The following ZMIZ1 variants were observed in gnomAD, a reference collection of about 807,000 sequenced individuals.
The protein encoded by ZMIZ1 is zinc finger MIZ domain-containing protein 1.
Under a neutral mutation model 113.9 loss-of-function variants are expected in ZMIZ1, and 17 were observed. That is an observed-to-expected ratio of 0.15 (90% CI 0.10 to 0.22). The LOEUF (loss-of-function observed/expected upper bound fraction) is 0.22, where lower values mean the gene tolerates loss of function less well. Among genes scored for constraint, ZMIZ1 ranks in the 10% least tolerant of loss-of-function variants. The pLI is 1.00. For missense variants in ZMIZ1, 1,059 were observed against 1,477.8 expected (o/e 0.72, Z 4.65); for synonymous variants, 607 against 603.1 (o/e 1.01, Z -0.09).
chr10:79,138,921 A>C (rs1230639798), intron 2 of ZMIZ1, among the ~76,000 whole-genome samples: 1 of 152,250 alleles, frequency 6.6e-6, no homozygotes, highest in East Asian at 1.9e-4. Flanking sequence ...TGAACATTAA[A>C]TTAAGTCATC....
chr10:79,083,527 G>A (rs1842723864), intron 1 of ZMIZ1, among the ~76,000 whole-genome samples: 1 of 151,704 alleles, frequency 6.6e-6, no homozygotes, highest in Non-Finnish European at 1.5e-5. Context: ...TCAGTGATTT[G>A]GAAGCCACTG....
chr10:79,302,196 G>A lies in ZMIZ1; in HGVS notation c.2109G>A (p.Glu703=). ...TCAAGAAGCGCCTCCTGCCCGCAGAGCACTGTATCACGAAAAGTGAGTCAG... is the reference window on the plus strand; with the variant it reads ...TCAAGAAGCGCCTCCTGCCCGCAGAACACTGTATCACGAAAAGTGAGTCAG... The part of the protein sequence containing the change: ...GLLKKRLLPA[E]HCITKIKRNF... Residue 703 remains glutamate (E), a synonymous_variant, in exon 18 of 25, where the codon GAG becomes GAA. Transcript: ENST00000334512. 6.2e-7 allele frequency: 1 copy of A among 1,613,668 alleles called. No homozygotes were observed. The highest frequency in any genetic ancestry group is 1.7e-5 in the Admixed American group (1 of 60,034).
chr10:79,117,217 C>A (rs531999052), intron 1 of ZMIZ1, among the ~76,000 whole-genome samples: 1 of 152,358 alleles, frequency 6.6e-6, no homozygotes, highest in African/African-American at 2.4e-5. Context: ...TCACTCACAC[C>A]GAATCCTATT....
chr10:79,070,213 T>C (rs1393921637), intron 1 of ZMIZ1, among the ~76,000 whole-genome samples: 1 of 151,150 alleles, frequency 6.6e-6, no homozygotes, highest in East Asian at 2.0e-4. Context: ...GAAAAAACAG[T>C]GGGGAGCGCG....
intron 4 of ZMIZ1, among the ~76,000 whole-genome samples, chr10:79,188,081 A>C (rs563966468): frequency 5.9e-5 from 9 of 152,222 alleles, no homozygotes; most frequent in Non-Finnish European, 4.4e-5. Flanking sequence ...TAATTCACAT[A>C]AAATACCAAA....
At chr10:79,209,115 A>C (rs1848445194) in intron 6 of ZMIZ1, among the ~76,000 whole-genome samples, 2 of 151,942 alleles carry the variant, frequency 1.3e-5, no homozygotes, top group South Asian at 4.1e-4. Context: ...TGAGGAAAGG[A>C]GCTACCCTCC....
Position 79,311,176 on chromosome 10 carries a change from T to A in ZMIZ1, c.3088T>A (p.Ser1030Thr). Residue 1030 changes from serine (S) to threonine (T), a missense_variant, in exon 24 of 25, where the codon TCG (serine) becomes ACG (threonine). Transcript: ENST00000334512. ...AQGASDMPEP[S>T]LDLLPELTNP... ...GGGAGCGTCCGACATGCCGGAGCCT[T>A]CGCTGGATGTAAGTTGGGGTCGCCA... 1 of 1,610,490 alleles carries A rather than the reference T, an allele frequency of 6.2e-7. No individual in the cohort carries two copies. The highest frequency in any genetic ancestry group is 1.1e-5 in the South Asian group (1 of 90,960).
intron 4 of ZMIZ1, among the ~76,000 whole-genome samples, chr10:79,185,615 A>G (rs930081884): frequency 2.0e-5 from 3 of 152,134 alleles, no homozygotes; most frequent in Non-Finnish European, 2.9e-5. Context: ...GGTAGGTCAC[A>G]GCCTTTGTAT....
At chr10:79,292,680 A>T in intron 11 of ZMIZ1, 1 of 486,428 alleles carries the variant, frequency 2.1e-6, no homozygotes, top group Non-Finnish European at 4.0e-6. Flanking sequence ...CTCACCAAGG[A>T]GTGGGCTCAA....
chr10:79,283,644 C>CA (rs1314887235), intron 8 of ZMIZ1, among the ~76,000 whole-genome samples: 2 of 151,908 alleles, frequency 1.3e-5, no homozygotes, highest in African/African-American at 2.4e-5. Flanking sequence ...ATTTTAAAAA[C>CA]AAAAAAAGAA....
At chr10:79,265,638 T>TC (rs1369342878) in intron 7 of ZMIZ1, among the ~76,000 whole-genome samples, 1 of 151,576 alleles carries the variant, frequency 6.6e-6, no homozygotes, top group Admixed American at 6.6e-5. Flanking sequence ...ACTGAGATTT[T>TC]CCCCCAAGGA....
chr10:79,154,869 G>A (rs1845846198), intron 3 of ZMIZ1, among the ~76,000 whole-genome samples: 1 of 152,148 alleles, frequency 6.6e-6, no homozygotes, highest in Non-Finnish European at 1.5e-5. Context: ...CCCCATCCCA[G>A]CAGGACCCCA....
chr10:79,122,698 C>G (rs1844352393), intron 2 of ZMIZ1, among the ~76,000 whole-genome samples: 1 of 152,258 alleles, frequency 6.6e-6, no homozygotes, highest in East Asian at 1.9e-4. Flanking sequence ...CCCATCACAC[C>G]CTGGAGAGCT....
At chr10:79,214,251 A>G (rs1848632893) in intron 6 of ZMIZ1, among the ~76,000 whole-genome samples, 1 of 152,212 alleles carries the variant, frequency 6.6e-6, no homozygotes, top group Non-Finnish European at 1.5e-5. Context: ...TAGAGGGGCA[A>G]ACAGAGCCCG....
At chr10:79,202,047 AGTC>A (rs932014702) in intron 5 of ZMIZ1, among the ~76,000 whole-genome samples, 5 of 111,800 alleles carry the variant, frequency 4.5e-5, no homozygotes, top group African/African-American at 1.8e-4. Context: ...CCTTTGCTCC[AGTC>A]GTTCTCAAAA....
intron 5 of ZMIZ1, among the ~76,000 whole-genome samples, chr10:79,202,189 G>GAAAAAAAAAAAAA (rs58021590): frequency 2.1e-4 from 11 of 52,628 alleles, no homozygotes; most frequent in Admixed American, 5.1e-4. Context: ...CCCTGTCTCA[G>GAAAAAAAAAAAAA]AAAAAAAAAA....
chr10:79,107,178 A>G (rs547106526), intron 1 of ZMIZ1, among the ~76,000 whole-genome samples: 1 of 152,322 alleles, frequency 6.6e-6, no homozygotes, highest in Admixed American at 6.5e-5. Flanking sequence ...TGTGATACCC[A>G]TCTTCTGGCC....
intron 1 of ZMIZ1, among the ~76,000 whole-genome samples, chr10:79,078,062 C>A (rs528539736): frequency 4.2e-4 from 64 of 152,302 alleles, no homozygotes; most frequent in African/African-American, 1.4e-3. Flanking sequence ...TCTGAGAGGC[C>A]CCCAGTCAGT....
At position 79,078,725 on chromosome 10, in the gene ZMIZ1, T is replaced by C. The variant is rs1460586631; in HGVS notation, c.-337+9455T>C. The stretch of plus-strand genomic sequence containing the variant: ...ATGCCCAGCTAATTTTTGTATTTTT[T>C]TTTTTTTGCATATGGTGTTTCACCA... On this transcript the variant is annotated intron_variant, in intron 1 of 24. Coordinates refer to ENST00000334512, the MANE Select transcript of ZMIZ1 (RefSeq NM_020338.4). 4.7e-5 allele frequency among the ~76,000 whole-genome samples: 7 copies of C among 148,862 alleles called. 1 individual carries two copies. Among genetic ancestry groups the C allele is most frequent in the Admixed American group, 1.3e-4 (2 of 15,048 alleles).
Sources: allele counts gnomAD v4.1 joint callset (sites outside exome capture counted in the v4.1 genomes callset), GRCh38; gene constraint gnomAD v4.1.1; transcripts MANE v1.5; gene names NCBI Gene and HGNC (gene_info 2026-07-23, HGNC 2026-07-21).